GNL3L: variants seen among roughly 807,000 people sequenced by gnomAD.
GNL3L encodes the protein guanine nucleotide-binding protein-like 3-like protein.
A neutral mutation model predicts 42.9 loss-of-function variants in GNL3L; 4 were observed. That is an observed-to-expected ratio of 0.09 (90% confidence interval 0.05 to 0.21). The LOEUF is 0.21. Ranked by LOEUF, GNL3L falls within the 10% of genes least tolerant of loss-of-function variation. The pLI is 1.00. For missense variants in GNL3L, 412 were observed against 481.7 expected (o/e 0.86, Z 1.36); for synonymous variants, 159 against 176.3 (o/e 0.90, Z 0.78).
At chrX:54,586,719 A>G (rs1281655700) in intron 16 of GNL3L, among the ~76,000 whole-genome samples, 1 of 111,849 alleles carries the variant, frequency 8.9e-6, no homozygotes, top group East Asian at 2.8e-4. Flanking sequence ...TTTCACCTCT[A>G]CATACCACAG....
intron 16 of GNL3L, among the ~76,000 whole-genome samples, chrX:54,591,607 A>G (rs1925872912): frequency 9.1e-6 from 1 of 109,332 alleles, no homozygotes; most frequent in Non-Finnish European, 1.9e-5. Flanking sequence ...AAAAAAAAAA[A>G]AAATTGAGTT....
intron 16 of GNL3L, among the ~76,000 whole-genome samples, chrX:54,608,729 A>G: frequency 8.9e-6 from 1 of 112,321 alleles, no homozygotes; most frequent in East Asian, 2.8e-4. Context: ...ATATACATAT[A>G]CCACAGTTTC....
intron 14 of GNL3L, among the ~76,000 whole-genome samples, chrX:54,557,688 C>A (rs897216614): frequency 9.0e-6 from 1 of 111,077 alleles, no homozygotes; most frequent in African/African-American, 3.3e-5. Context: ...CCCGCCTCAG[C>A]CTCCCAAAGT....
the GNL3L span, among the ~76,000 whole-genome samples, chrX:54,638,545 ACTGCAACCT>A: frequency 0.018 from 2,050 of 111,542 alleles, 33 homozygotes; most frequent in East Asian, 0.11. Flanking sequence ...TCTCCGGCCC[ACTGCAACCT>A]CCGCCTCCCG....
chrX:54,609,194 G>T (rs1290595419), intron 16 of GNL3L, among the ~76,000 whole-genome samples: 2 of 111,828 alleles, frequency 1.8e-5, no homozygotes, highest in African/African-American at 6.5e-5. Flanking sequence ...CCCATGTTTT[G>T]ATGGATTATT....
At chrX:54,536,161 CAA>C (rs779096635) in intron 2 of GNL3L, among the ~76,000 whole-genome samples, 2 of 106,920 alleles carry the variant, frequency 1.9e-5, no homozygotes, top group South Asian at 8.5e-4. Flanking sequence ...CTCCTGACCT[CAA>C]GTCAGGCATC....
intron 16 of GNL3L, among the ~76,000 whole-genome samples, chrX:54,583,384 G>A (rs1925742042): frequency 9.1e-6 from 1 of 109,601 alleles, no homozygotes; most frequent in Non-Finnish European, 1.9e-5. Context: ...AGTAGAGATG[G>A]GGTTTCACCA....
At chrX:54,642,756 G>C in the GNL3L span, among the ~76,000 whole-genome samples, 2 of 111,135 alleles carry the variant, frequency 1.8e-5, no homozygotes, top group African/African-American at 6.5e-5. Flanking sequence ...TTTATTCCCT[G>C]CATAGCCCTT....
downstream of GNL3L, among the ~76,000 whole-genome samples, chrX:54,621,696 C>T (rs766947624): frequency 9.0e-6 from 1 of 111,327 alleles, no homozygotes; most frequent in South Asian, 3.9e-4. Context: ...GTCCCAGCTA[C>T]TTGGAAGGCT....
At chrX:54,571,097 A>C (rs1925536462), downstream of GNL3L, among the ~76,000 whole-genome samples, 1 of 111,005 alleles carries the variant, frequency 9.0e-6, no homozygotes, top group African/African-American at 3.3e-5. Flanking sequence ...TATTTTTGCT[A>C]CATATAGAAT....
At chrX:54,567,338 TC>T (rs1925462932), downstream of GNL3L, among the ~76,000 whole-genome samples, 1 of 110,007 alleles carries the variant, frequency 9.1e-6, no homozygotes, top group Non-Finnish European at 1.9e-5. Flanking sequence ...CGCTGGGACT[TC>T]CAGTACTACA....
chrX:54,556,429 C>T (rs182766186), intron 14 of GNL3L, among the ~76,000 whole-genome samples: 39 of 110,890 alleles, frequency 3.5e-4, no homozygotes, highest in African/African-American at 1.2e-3. Flanking sequence ...TGGTCTCTCC[C>T]TTGACATGTA....
At chrX:54,574,035 A>G (rs1389843935) in intron 16 of GNL3L, among the ~76,000 whole-genome samples, 3 of 111,488 alleles carry the variant, frequency 2.7e-5, no homozygotes, top group Non-Finnish European at 3.8e-5. Flanking sequence ...TGATTTGTTA[A>G]GCAGGTTCAG....
rs1925262827 is a variant in GNL3L, at chrX:54,561,295, G to A, written c.*693G>A. On this transcript the variant is annotated 3_prime_UTR_variant, in exon 16 of 16. Transcript: ENST00000360845. Reference sequence around the variant, plus strand: ...GTTGCTGGTAGACCTGGGGGTCCCTGCGGGAGGGTGATGGTTTCTTTACCA... The same window carrying A: ...GTTGCTGGTAGACCTGGGGGTCCCTACGGGAGGGTGATGGTTTCTTTACCA... Among the ~76,000 whole-genome samples, 1 of 111,738 alleles carries A rather than the reference G, an allele frequency of 8.9e-6. No homozygotes were observed. The highest frequency in any genetic ancestry group is 9.5e-5 in the Admixed American group (1 of 10,522).
chrX:54,530,459 A>G (rs1924210830), intron 1 of GNL3L, 40 bp downstream of exon 1: 1 of 111,630 alleles, frequency 9.0e-6, no homozygotes, highest in Non-Finnish European at 1.9e-5. Context: ...AGGGACCGGA[A>G]GAGGGGCAGG....
rs765370208 is a variant in GNL3L, at chrX:54,605,694, C to G, written c.*46-15151C>G. On this transcript the variant is annotated intron_variant, in intron 16 of 16. Transcript: ENST00000674498. ...TGCTACTTCCATAATTTATTAGGGC[C>G]TGATCTTTCACTTATTTATTATTAT... Among the ~76,000 whole-genome samples the G allele has an allele frequency of 3.6e-5, 4 of 111,363 alleles. No homozygotes were observed. The East Asian group carries it at 1.1e-3, about 31-fold the overall frequency.
intron 16 of GNL3L, among the ~76,000 whole-genome samples, chrX:54,616,188 A>G (rs1926218327): frequency 8.8e-6 from 1 of 113,195 alleles, no homozygotes; most frequent in Non-Finnish European, 1.9e-5. Flanking sequence ...TGGCAAGGGC[A>G]GTGCCCGCCA....
At chrX:54,609,288 A>G (rs1346465352) in intron 16 of GNL3L, among the ~76,000 whole-genome samples, 2 of 110,017 alleles carry the variant, frequency 1.8e-5, no homozygotes, top group East Asian at 5.7e-4. Flanking sequence ...ATTTTCTCCC[A>G]CTCTGTGGGT....
At chrX:54,614,327 C>G (rs1926197441) in intron 16 of GNL3L, among the ~76,000 whole-genome samples, 1 of 111,418 alleles carries the variant, frequency 9.0e-6, no homozygotes. Context: ...GGCTTGAAAA[C>G]TTGCCCCCGG....
Sources: allele counts gnomAD v4.1 joint callset (sites outside exome capture counted in the v4.1 genomes callset), GRCh38; gene constraint gnomAD v4.1.1; transcripts MANE v1.5; gene names NCBI Gene and HGNC (gene_info 2026-07-23, HGNC 2026-07-21).